Variants in OR10J1 observed in about 807,000 individuals in gnomAD.
OR10J1 encodes olfactory receptor family 10 subfamily J member 1, also known as olfactory receptor 10J1.
For synonymous variants in OR10J1, 202 were observed against 143.8 expected (o/e 1.40, Z -2.89); for missense variants, 474 against 376.6 (o/e 1.26, Z -2.14).
chr1:159,416,108 T>G, the OR10J1 span, among the ~76,000 whole-genome samples: 1 of 152,036 alleles, frequency 6.6e-6, no homozygotes, highest in Non-Finnish European at 1.5e-5. Context: ...TTTTTCTAGA[T>G]GTAAGATTAT....
chr1:159,408,115 G>A, the OR10J1 span, among the ~76,000 whole-genome samples: 1 of 152,008 alleles, frequency 6.6e-6, no homozygotes, highest in East Asian at 1.9e-4. Context: ...TGAGGGCCCA[G>A]CATTTCTAAG....
chr1:159,412,728 A>G, the OR10J1 span, among the ~76,000 whole-genome samples: 1 of 152,044 alleles, frequency 6.6e-6, no homozygotes, highest in Non-Finnish European at 1.5e-5. Flanking sequence ...TAAAACCATA[A>G]AAACCCTAGA....
chr1:159,418,984 C>G, the OR10J1 span, among the ~76,000 whole-genome samples: 1 of 152,200 alleles, frequency 6.6e-6, no homozygotes, highest in Non-Finnish European at 1.5e-5. Context: ...GTAGCCCCTT[C>G]ATTTTGGCCA....
the OR10J1 span, among the ~76,000 whole-genome samples, chr1:159,398,017 C>T: frequency 6.5e-3 from 992 of 152,306 alleles, 10 homozygotes; most frequent in African/African-American, 0.022. Context: ...GCTTGTGTCA[C>T]TACACCCCCA....
At chr1:159,406,988 G>A in the OR10J1 span, among the ~76,000 whole-genome samples, 13 of 152,104 alleles carry the variant, frequency 8.5e-5, no homozygotes, top group South Asian at 4.1e-4. Context: ...CCATGTTTTC[G>A]GAAATAGAGG....
chr1:159,421,967 G>A, the OR10J1 span, among the ~76,000 whole-genome samples: 4 of 152,262 alleles, frequency 2.6e-5, no homozygotes, highest in Non-Finnish European at 4.4e-5. Context: ...GACAGTAATA[G>A]TGGCAGGACA....
At chr1:159,409,589 T>C in the OR10J1 span, among the ~76,000 whole-genome samples, 1 of 152,028 alleles carries the variant, frequency 6.6e-6, no homozygotes, top group Non-Finnish European at 1.5e-5. Context: ...CTTTGAGGAG[T>C]CTACCTATAC....
the OR10J1 span, chr1:159,432,401 G>A: frequency 5.0e-6 from 2 of 403,438 alleles, no homozygotes; most frequent in East Asian, 7.1e-5. Context: ...TCCTGAGTGT[G>A]CTGTCTATTT....
At chr1:159,419,349 G>A in the OR10J1 span, among the ~76,000 whole-genome samples, 1 of 152,138 alleles carries the variant, frequency 6.6e-6, no homozygotes, top group South Asian at 2.1e-4. Context: ...GAATCATGGG[G>A]GTGGGTCTTT....
chr1:159,437,575 C>G (rs1171364211), upstream of OR10J1, among the ~76,000 whole-genome samples: 1 of 152,226 alleles, frequency 6.6e-6, no homozygotes, highest in Non-Finnish European at 1.5e-5. Flanking sequence ...AATAAACCAG[C>G]TTCCTCAAAT....
At chr1:159,427,622 A>T in the OR10J1 span, among the ~76,000 whole-genome samples, 1 of 152,060 alleles carries the variant, frequency 6.6e-6, no homozygotes, top group Non-Finnish European at 1.5e-5. Flanking sequence ...TAAAAACCCC[A>T]TAAAACAGGA....
At chr1:159,436,509 C>T (rs943551899), upstream of OR10J1, among the ~76,000 whole-genome samples, 1 of 152,114 alleles carries the variant, frequency 6.6e-6, no homozygotes, top group Non-Finnish European at 1.5e-5. Flanking sequence ...AGCAGCCTAG[C>T]TGGTTTTTCT....
At chr1:159,425,478 A>G in the OR10J1 span, among the ~76,000 whole-genome samples, 1 of 152,126 alleles carries the variant, frequency 6.6e-6, no homozygotes, top group African/African-American at 2.4e-5. Flanking sequence ...CATGTATTTG[A>G]CTGTATCTAA....
chr1:159,437,950 C>T (rs909654520), upstream of OR10J1: 2 of 152,498 alleles, frequency 1.3e-5, no homozygotes, highest in African/African-American at 2.4e-5. Flanking sequence ...CTATGCCTAT[C>T]CATTGTGGCC....
the OR10J1 span, among the ~76,000 whole-genome samples, chr1:159,400,396 TG>T: frequency 6.6e-6 from 1 of 151,580 alleles, no homozygotes; most frequent in African/African-American, 2.4e-5. Flanking sequence ...TCCATCCCAA[TG>T]GAAAACTAAA....
chr1:159,440,880 A>G lies in OR10J1; in HGVS notation c.*159A>G, dbSNP rs1221359852. ...CAACTGGGAGTCTGAAGCTTTAAAT[A>G]AAGTTACTGGATGGAGTGTTATCCC... On this transcript the variant is annotated 3_prime_UTR_variant, in exon 1 of 1. Coordinates refer to ENST00000423932, the MANE Select transcript of OR10J1 (RefSeq NM_012351.3). 3 of 707,218 alleles carry G rather than the reference A, an allele frequency of 4.2e-6. No homozygotes were observed. Among genetic ancestry groups the G allele is most frequent in the Non-Finnish European group, 6.8e-6 (3 of 443,220 alleles). The allele number at this position is 707,218 out of a possible 1,614,324, so 43.8% of individuals were successfully genotyped here.
the OR10J1 span, chr1:159,405,546 C>T: frequency 8.5e-6 from 3 of 351,956 alleles, no homozygotes; most frequent in Non-Finnish European, 1.7e-5. Flanking sequence ...TGGTGTAGGT[C>T]ACTGAGATGA....
chr1:159,416,675 G>C, the OR10J1 span, among the ~76,000 whole-genome samples: 1 of 151,856 alleles, frequency 6.6e-6, no homozygotes, highest in Non-Finnish European at 1.5e-5. Context: ...CTTTTTGAAA[G>C]TTTGGTGGTA....
chr1:159,435,954 C>T (rs1487007993), upstream of OR10J1, among the ~76,000 whole-genome samples: 1 of 152,140 alleles, frequency 6.6e-6, no homozygotes, highest in Non-Finnish European at 1.5e-5. Context: ...CTGTACATCC[C>T]TAATCTGTAA....
Sources: allele counts gnomAD v4.1 joint callset (sites outside exome capture counted in the v4.1 genomes callset), GRCh38; gene constraint gnomAD v4.1.1; transcripts MANE v1.5; gene names NCBI Gene and HGNC (gene_info 2026-07-23, HGNC 2026-07-21).